COL4A5: variants seen among roughly 807,000 people sequenced by gnomAD.
COL4A5 encodes collagen type IV alpha 5 chain.
COL4A5 carries 26 observed loss-of-function variants against 130.2 expected under a neutral mutation model. The observed-to-expected ratio is 0.20, with a 90% confidence interval of 0.15 to 0.28. The LOEUF is 0.28. Ranked by LOEUF, COL4A5 falls within the 10% of genes least tolerant of loss-of-function variation. COL4A5 has a pLI of 1.00. For missense variants in COL4A5, 1,131 were observed against 1,344.3 expected (o/e 0.84, Z 2.48); for synonymous variants, 496 against 439.6 (o/e 1.13, Z -1.60).
At chrX:108,453,496 T>G (rs2147475628) in intron 1 of COL4A5, among the ~76,000 whole-genome samples, 1 of 111,855 alleles carries the variant, frequency 8.9e-6, no homozygotes, top group East Asian at 2.8e-4. Context: ...TATGTTAACA[T>G]TTAATGGGTT....
At chrX:108,602,259 A>G (rs1032027053) in intron 27 of COL4A5, among the ~76,000 whole-genome samples, 1 of 112,355 alleles carries the variant, frequency 8.9e-6, no homozygotes, top group Non-Finnish European at 1.9e-5. Context: ...TGTGTTCACC[A>G]TAGTATTTTC....
chrX:108,622,813 C>G lies in COL4A5; in HGVS notation c.2905C>G (p.Pro969Ala), dbSNP rs748478614. 5 of 1,208,321 alleles carry G rather than the reference C, an allele frequency of 4.1e-6. No individual in the cohort carries two copies. Among genetic ancestry groups the G allele is most frequent in the Non-Finnish European group, 5.6e-6 (5 of 894,125 alleles). The part of the protein sequence containing the change: ...LLGSKGEKGE[P>A]GLPGIPGVSG... Reference sequence around the variant, plus strand: ...GGGCTCAAAAGGAGAGAAGGGGGAACCTGGCTTACCAGGTGAGTGAATGAA... The same window carrying G: ...GGGCTCAAAAGGAGAGAAGGGGGAAGCTGGCTTACCAGGTGAGTGAATGAA... Residue 969 changes from proline to alanine, a missense_variant, in exon 33 of 53, where the codon CCT becomes GCT. Transcript: ENST00000328300.
chrX:108,646,207 G>T (rs1042574993), intron 36 of COL4A5, among the ~76,000 whole-genome samples: 2 of 111,539 alleles, frequency 1.8e-5, no homozygotes, highest in African/African-American at 3.3e-5. Context: ...CAGTGTAAAA[G>T]TGTTCGTATT....
intron 29 of COL4A5, among the ~76,000 whole-genome samples, chrX:108,611,305 T>G (rs1166629423): frequency 9.0e-6 from 1 of 111,339 alleles, no homozygotes; most frequent in East Asian, 2.8e-4. Flanking sequence ...TCAGTTTACC[T>G]CATATATTAC....
At chrX:108,545,137 T>A (rs2065624923) in intron 2 of COL4A5, among the ~76,000 whole-genome samples, 1 of 111,970 alleles carries the variant, frequency 8.9e-6, no homozygotes, top group Admixed American at 9.5e-5. Flanking sequence ...TAGTTATTTC[T>A]TGCCTTCTGC....
intron 1 of COL4A5, among the ~76,000 whole-genome samples, chrX:108,528,446 A>G (rs1359157346): frequency 8.9e-6 from 1 of 112,746 alleles, no homozygotes; most frequent in African/African-American, 3.2e-5. Flanking sequence ...TACCAACACA[A>G]GGACACAAGA....
chrX:108,643,024 G>T (rs1259871580), intron 36 of COL4A5, among the ~76,000 whole-genome samples: 2 of 110,811 alleles, frequency 1.8e-5, no homozygotes, highest in Middle Eastern at 4.7e-3. Context: ...TACAACAATT[G>T]GATGGAGAAA....
chrX:108,497,760 T>C (rs1009379839), intron 1 of COL4A5, among the ~76,000 whole-genome samples: 1 of 111,934 alleles, frequency 8.9e-6, no homozygotes, highest in African/African-American at 3.2e-5. Flanking sequence ...TTATCTCTGA[T>C]AGGTCCAAGA....
intron 37 of COL4A5, among the ~76,000 whole-genome samples, chrX:108,655,831 T>C (rs2067830118): frequency 8.9e-6 from 1 of 112,701 alleles, no homozygotes; most frequent in Non-Finnish European, 1.9e-5. Flanking sequence ...GGCACACCGC[T>C]GGTAGCGGTT....
At chrX:108,533,079 A>T (rs111942058) in intron 1 of COL4A5, among the ~76,000 whole-genome samples, 8,912 of 111,597 alleles carry the variant, frequency 0.08, 377 homozygotes, top group Non-Finnish European at 0.11. Flanking sequence ...TGAATAGCCA[A>T]TGCAACCCTG....
chrX:108,451,091 G>A (rs1327363970), intron 1 of COL4A5, among the ~76,000 whole-genome samples: 3 of 107,791 alleles, frequency 2.8e-5, no homozygotes, highest in East Asian at 5.9e-4. Flanking sequence ...GAGAACATGC[G>A]GTGTTTGATT....
chrX:108,584,372 G>A, intron 17 of COL4A5, 112 bp from the exon 18 acceptor site: 1 of 628,284 alleles, frequency 1.6e-6, no homozygotes, highest in African/African-American at 2.2e-5. Context: ...TCTCATTTGA[G>A]GTATTTTATG....
At chrX:108,506,792 C>A (rs2147579456) in intron 1 of COL4A5, among the ~76,000 whole-genome samples, 1 of 110,361 alleles carries the variant, frequency 9.1e-6, no homozygotes, top group East Asian at 2.9e-4. Flanking sequence ...TGTGCCTAGG[C>A]TACACTGCAC....
chrX:108,634,042 C>T (rs2067312485), intron 36 of COL4A5, among the ~76,000 whole-genome samples: 1 of 111,087 alleles, frequency 9.0e-6, no homozygotes, highest in South Asian at 3.8e-4. Context: ...AGTAATTTCA[C>T]TTCTTTCAAA....
intron 2 of COL4A5, among the ~76,000 whole-genome samples, chrX:108,549,374 A>T (rs1436301694): frequency 8.9e-6 from 1 of 112,024 alleles, no homozygotes; most frequent in African/African-American, 3.2e-5. Flanking sequence ...AGACCCTCTA[A>T]ATACCAAAAG....
intron 13 of COL4A5, 107 bp downstream of exon 13, chrX:108,578,490 G>C: frequency 1.7e-6 from 1 of 580,978 alleles, no homozygotes; most frequent in Non-Finnish European, 3.0e-6. Context: ...ACATCACATT[G>C]TTTACACCTT....
chrX:108,501,487 T>C (rs1025532324), intron 1 of COL4A5, among the ~76,000 whole-genome samples: 2 of 111,917 alleles, frequency 1.8e-5, no homozygotes, highest in African/African-American at 3.2e-5. Flanking sequence ...GAGAGCAGTA[T>C]AGGGCAAGTT....
chrX:108,634,904 T>C (rs752228735), intron 36 of COL4A5, among the ~76,000 whole-genome samples: 3 of 110,945 alleles, frequency 2.7e-5, no homozygotes, highest in South Asian at 7.5e-4. Context: ...ACCCATATTA[T>C]AAAGGAAGAG....
Position 108,629,021 on chromosome X carries a change from G to A in COL4A5, c.3246+2672G>A, listed in dbSNP as rs934928356. ...GAATTTCTGGAAATTGTTATATTTTGAAATAGGTTACTAAGGGAAAGTCTC... is the reference window on the plus strand; with the variant it reads ...GAATTTCTGGAAATTGTTATATTTTAAAATAGGTTACTAAGGGAAAGTCTC... On this transcript the variant is annotated intron_variant, in intron 36 of 52. Coordinates refer to ENST00000328300, the MANE Select transcript of COL4A5 (RefSeq NM_033380.3). 3.6e-5 allele frequency among the ~76,000 whole-genome samples: 4 copies of A among 112,056 alleles called. No individual in the cohort carries two copies. The Admixed American group carries it at 3.8e-4, about 11-fold the overall frequency.
Sources: allele counts gnomAD v4.1 joint callset (sites outside exome capture counted in the v4.1 genomes callset), GRCh38; gene constraint gnomAD v4.1.1; transcripts MANE v1.5; gene names NCBI Gene and HGNC (gene_info 2026-07-23, HGNC 2026-07-21).